ADAMTS12: variants seen among roughly 807,000 people sequenced by gnomAD.
ADAMTS12 encodes ADAM metallopeptidase with thrombospondin type 1 motif 12.
Under a neutral mutation model 167.8 loss-of-function variants are expected in ADAMTS12, and 118 were observed. The observed-to-expected ratio is 0.70, with a 90% CI of 0.61 to 0.82. The LOEUF is 0.82. Among genes scored for constraint, ADAMTS12 ranks in the 40% least tolerant of loss-of-function variants. ADAMTS12 has a pLI of 0.00. For missense variants in ADAMTS12, 1,916 were observed against 1,998.8 expected, an observed-to-expected ratio of 0.96 and a Z score of 0.79; for synonymous variants, 704 against 716.9, an observed-to-expected ratio of 0.98 and a Z score of 0.29.
chr5:33,584,304 T>G (rs564711236), intron 18 of ADAMTS12, among the ~76,000 whole-genome samples: 1 of 152,312 alleles, frequency 6.6e-6, no homozygotes, highest in African/African-American at 2.4e-5. Flanking sequence ...AATATGTAAT[T>G]AAATATTGAT....
intron 22 of ADAMTS12, among the ~76,000 whole-genome samples, chr5:33,535,294 T>C (rs1292908589): frequency 6.6e-6 from 1 of 152,222 alleles, no homozygotes; most frequent in Non-Finnish European, 1.5e-5. Context: ...GCTACAGCAC[T>C]GGGCTCCAGG....
intron 3 of ADAMTS12, among the ~76,000 whole-genome samples, chr5:33,746,060 G>C (rs1295859568): frequency 6.6e-6 from 1 of 152,056 alleles, no homozygotes; most frequent in Non-Finnish European, 1.5e-5. Flanking sequence ...AACAAATATA[G>C]AGCAATAATT....
In ADAMTS12 at chr5:33,832,911, G is replaced by A. The variant is rs902395870; in HGVS notation, c.489+48208C>T. Among the ~76,000 whole-genome samples the A allele has an allele frequency of 2.6e-5, 4 of 151,806 alleles. No individual in the cohort carries two copies. In the South Asian group the frequency reaches 8.3e-4, roughly 32 times the overall value. On this transcript the variant is annotated intron_variant, in intron 2 of 23. Transcript: ENST00000504830. Reference sequence around the variant, plus strand: ...AATGGCCTGAAATCAAAAAGTGAAGGGGAAAAAAGCCACTTGCTTATTCCT... The same window carrying A: ...AATGGCCTGAAATCAAAAAGTGAAGAGGAAAAAAGCCACTTGCTTATTCCT...
chr5:33,695,541 T>C (rs1328269214), intron 3 of ADAMTS12, among the ~76,000 whole-genome samples: 1 of 152,182 alleles, frequency 6.6e-6, no homozygotes, highest in African/African-American at 2.4e-5. Flanking sequence ...GGACACATAC[T>C]ACAACATGGA....
chr5:33,589,811 C>A (rs924295212), intron 17 of ADAMTS12, among the ~76,000 whole-genome samples: 15 of 152,134 alleles, frequency 9.9e-5, no homozygotes, highest in African/African-American at 1.7e-4. Flanking sequence ...CTTGAGACAG[C>A]ATTGAATTTT....
intron 3 of ADAMTS12, among the ~76,000 whole-genome samples, chr5:33,704,878 C>T (rs1392086641): frequency 6.6e-6 from 1 of 151,874 alleles, no homozygotes; most frequent in Non-Finnish European, 1.5e-5. Context: ...GTTACCTATA[C>T]TTTTGGTTTT....
At chr5:33,800,077 T>C (rs1173280463) in intron 2 of ADAMTS12, among the ~76,000 whole-genome samples, 1 of 152,190 alleles carries the variant, frequency 6.6e-6, no homozygotes, top group African/African-American at 2.4e-5. Context: ...GGGATACCAA[T>C]ATGACACTGA....
At chr5:33,875,767 C>T (rs1750206130) in intron 2 of ADAMTS12, among the ~76,000 whole-genome samples, 1 of 152,176 alleles carries the variant, frequency 6.6e-6, no homozygotes, top group African/African-American at 2.4e-5. Flanking sequence ...AGATGTTGCT[C>T]TCCCCATTCT....
chr5:33,698,794 C>T (rs569986589), intron 3 of ADAMTS12, among the ~76,000 whole-genome samples: 17 of 152,128 alleles, frequency 1.1e-4, no homozygotes, highest in Non-Finnish European at 2.5e-4. Flanking sequence ...AAAAATTAGC[C>T]AGGTGTGGTG....
At chr5:33,667,310 T>C (rs1741508250) in intron 5 of ADAMTS12, among the ~76,000 whole-genome samples, 1 of 96,704 alleles carries the variant, frequency 1.0e-5, no homozygotes, top group Non-Finnish European at 1.9e-5. Context: ...AGAGTGAGAC[T>C]CTGTCTCAAA....
intron 2 of ADAMTS12, among the ~76,000 whole-genome samples, chr5:33,835,952 T>TCTCTCCCTCTCTCCCTCTCTCCCC (rs1748506237): frequency 3.8e-5 from 1 of 26,514 alleles, no homozygotes; most frequent in African/African-American, 1.0e-4. Context: ...TCTCTCTCTC[T>TCTCTCCCTCTCTCCCTCTCTCCCC]CTGTGTGTGT....
intron 2 of ADAMTS12, among the ~76,000 whole-genome samples, chr5:33,823,091 TA>T (rs34101310): frequency 0.48 from 67,262 of 139,774 alleles, 16,387 homozygotes; most frequent in Non-Finnish European, 0.53. Flanking sequence ...ACCCCATTTC[TA>T]AAAAAAAAAA....
At chr5:33,554,137 C>G (rs188959011) in intron 20 of ADAMTS12, among the ~76,000 whole-genome samples, 2 of 152,284 alleles carry the variant, frequency 1.3e-5, no homozygotes, top group Admixed American at 1.3e-4. Flanking sequence ...TCAAGAAAAG[C>G]TTAAATAAAG....
At chr5:33,765,072 T>C (rs1217479037) in intron 2 of ADAMTS12, among the ~76,000 whole-genome samples, 1 of 152,268 alleles carries the variant, frequency 6.6e-6, no homozygotes, top group Non-Finnish European at 1.5e-5. Flanking sequence ...ACGTGAATGA[T>C]CTTTTTTCTT....
chr5:33,621,001 C>T (rs753050510), intron 14 of ADAMTS12, among the ~76,000 whole-genome samples: 3 of 152,146 alleles, frequency 2.0e-5, no homozygotes, highest in Non-Finnish European at 4.4e-5. Flanking sequence ...TAGCTGCTTG[C>T]ACCAGTATAA....
intron 2 of ADAMTS12, among the ~76,000 whole-genome samples, chr5:33,751,758 A>G (rs1472878973): frequency 6.6e-6 from 1 of 152,270 alleles, no homozygotes; most frequent in African/African-American, 2.4e-5. Flanking sequence ...TAGGAGTCAC[A>G]GATCCATTTG....
At chr5:33,815,733 GC>G (rs1747628463) in intron 2 of ADAMTS12, among the ~76,000 whole-genome samples, 1 of 152,204 alleles carries the variant, frequency 6.6e-6, no homozygotes, top group African/African-American at 2.4e-5. Flanking sequence ...AGTCCTGAAA[GC>G]AGGAAAGGCA....
At chr5:33,804,672 AT>A (rs1747153656) in intron 2 of ADAMTS12, among the ~76,000 whole-genome samples, 1 of 152,218 alleles carries the variant, frequency 6.6e-6, no homozygotes, top group Admixed American at 6.5e-5. Flanking sequence ...AATATTTGCA[AT>A]GCAATTCACA....
At chr5:33,528,485 C>T (rs1385778964) in intron 23 of ADAMTS12, among the ~76,000 whole-genome samples, 1 of 152,218 alleles carries the variant, frequency 6.6e-6, no homozygotes, top group African/African-American at 2.4e-5. Flanking sequence ...GGGTGCTTTG[C>T]TATGCAGTAT....
Sources: allele counts gnomAD v4.1 joint callset (sites outside exome capture counted in the v4.1 genomes callset), GRCh38; gene constraint gnomAD v4.1.1; transcripts MANE v1.5; gene names NCBI Gene and HGNC (gene_info 2026-07-23, HGNC 2026-07-21).